The following MTMR3 variants were observed in gnomAD, a reference collection of about 807,000 sequenced individuals.
MTMR3 encodes the protein myotubularin related protein 3.
A neutral mutation model predicts 132.4 loss-of-function variants in MTMR3; 32 were observed. That is an observed-to-expected ratio of 0.24 (90% CI 0.18 to 0.32). MTMR3 has a LOEUF of 0.32. Among genes scored for constraint, MTMR3 ranks in the 10% least tolerant of loss-of-function variants. The probability of loss-of-function intolerance (pLI) is 1.00; values close to 1 mark genes in which losing one functional copy is unlikely to be tolerated. For missense variants in MTMR3, 1,216 were observed against 1,489.6 expected (o/e 0.82, Z 3.02); for synonymous variants, 556 against 550.3 (o/e 1.01, Z -0.14).
chr22:29,925,623 T>C (rs955599035), intron 1 of MTMR3, among the ~76,000 whole-genome samples: 63 of 151,604 alleles, frequency 4.2e-4, no homozygotes, highest in Non-Finnish European at 4.6e-4. Flanking sequence ...TCTTTTAAAG[T>C]ACACAACTAG....
At chr22:29,890,841 C>A (rs976894392) in intron 1 of MTMR3, among the ~76,000 whole-genome samples, 2 of 152,064 alleles carry the variant, frequency 1.3e-5, no homozygotes, top group African/African-American at 4.8e-5. Flanking sequence ...TGGTTGCTTA[C>A]CCCATCACTA....
chr22:29,986,177 A>G (rs2066853803), intron 5 of MTMR3: 1 of 152,202 alleles, frequency 6.6e-6, no homozygotes, highest in Non-Finnish European at 1.5e-5. Context: ...AGTTGTGACC[A>G]AGGTTCAGAA....
chr22:29,945,475 G>A (rs1230048775), intron 1 of MTMR3, among the ~76,000 whole-genome samples: 2 of 152,140 alleles, frequency 1.3e-5, no homozygotes, highest in East Asian at 3.9e-4. Flanking sequence ...GGCCAAGGTG[G>A]GAGGATAGCT....
In MTMR3 at chr22:29,952,410, GT is replaced by G. The variant is rs908422204; in HGVS notation, c.-137-4615del. On this transcript the variant is annotated intron_variant, in intron 1 of 19. Transcript: ENST00000401950. ...CACATAGCTTCTGGTGTGTGTGTGT[GT>G]TTTTTTTTTTAAAATCATGTTAGTT... is the stretch of plus-strand genomic sequence containing the variant. Among the ~76,000 whole-genome samples the G allele has an allele frequency of 2.9e-3, 265 of 91,956 alleles. 4 individuals are homozygous for G. The highest frequency in any genetic ancestry group is 0.018 in the African/African-American group (232 of 12,878). The allele number at this position is 91,956 out of a possible 152,430, so 60.3% of individuals were successfully genotyped here. A position where few individuals can be genotyped will look rare whatever the true frequency, so the allele number is the denominator to read the frequency against.
intron 1 of MTMR3, among the ~76,000 whole-genome samples, chr22:29,894,122 G>A (rs2064849160): frequency 6.6e-6 from 1 of 152,164 alleles, no homozygotes; most frequent in African/African-American, 2.4e-5. Context: ...TGGGATTACA[G>A]GTGTGAGCCA....
rs1023096659 is a variant in MTMR3, at chr22:29,942,665, A to G, written c.-137-14371A>G. 1.1e-4 allele frequency among the ~76,000 whole-genome samples: 16 copies of G among 152,198 alleles called. 1 individual carries two copies. The highest frequency in any genetic ancestry group is 2.2e-4 in the Non-Finnish European group (15 of 68,036). On this transcript the variant is annotated intron_variant, in intron 1 of 19. Transcript: ENST00000401950. ...CAGGGACGCATTCTCTTTCTCAGGG[A>G]TGTTCCTTGCTGAGAAAAAGAATTC...
intron 2 of MTMR3, among the ~76,000 whole-genome samples, chr22:29,960,622 C>A (rs1439946532): frequency 6.6e-6 from 1 of 152,162 alleles, no homozygotes; most frequent in African/African-American, 2.4e-5. Context: ...ATGCCAGTAA[C>A]TATTCTAAGC....
intron 2 of MTMR3, among the ~76,000 whole-genome samples, chr22:29,965,831 T>G (rs1279271415): frequency 6.6e-6 from 1 of 152,156 alleles, no homozygotes; most frequent in African/African-American, 2.4e-5. Flanking sequence ...ACATTTTAGT[T>G]GGGACATCCG....
chr22:29,890,940 G>C (rs895714564), intron 1 of MTMR3, among the ~76,000 whole-genome samples: 1 of 151,926 alleles, frequency 6.6e-6, no homozygotes, highest in Non-Finnish European at 1.5e-5. Context: ...TTGAGGCCAG[G>C]AGTTCAAGGC....
At chr22:29,964,224 C>T (rs1428568944) in intron 2 of MTMR3, among the ~76,000 whole-genome samples, 1 of 152,194 alleles carries the variant, frequency 6.6e-6, no homozygotes, top group African/African-American at 2.4e-5. Flanking sequence ...TCCTTTTGTA[C>T]TGTTGGTATA....
Position 29,919,941 on chromosome 22 carries a change from T to A in MTMR3, c.-138+36582T>A, listed in dbSNP as rs527758154. Among the ~76,000 whole-genome samples, 3 of 152,310 alleles carry A rather than the reference T, an allele frequency of 2.0e-5. No individual in the cohort carries two copies. The South Asian group carries it at 6.2e-4, about 32-fold the overall frequency. On this transcript the variant is annotated intron_variant, in intron 1 of 19. Coordinates refer to ENST00000401950, the MANE Select transcript of MTMR3 (RefSeq NM_021090.4). Reference sequence around the variant, plus strand: ...GGATACTGGCTGATGACTTACATGCTTTTATTATTAAGATTTAGGTTCCCA... The same window carrying A: ...GGATACTGGCTGATGACTTACATGCATTTATTATTAAGATTTAGGTTCCCA...
At chr22:29,927,481 G>T (rs980938488) in intron 1 of MTMR3, among the ~76,000 whole-genome samples, 1 of 152,184 alleles carries the variant, frequency 6.6e-6, no homozygotes, top group African/African-American at 2.4e-5. Context: ...GTGAACAAGA[G>T]ATGTTTCTGT....
At chr22:29,908,766 T>C (rs1187150954) in intron 1 of MTMR3, among the ~76,000 whole-genome samples, 2 of 152,226 alleles carry the variant, frequency 1.3e-5, no homozygotes, top group Non-Finnish European at 2.9e-5. Context: ...TGTAGAACTT[T>C]CTATTTCTCA....
At chr22:29,885,811 G>A (rs957092119) in intron 1 of MTMR3, among the ~76,000 whole-genome samples, 5 of 152,196 alleles carry the variant, frequency 3.3e-5, no homozygotes, top group African/African-American at 1.2e-4. Flanking sequence ...TAGTTAACAC[G>A]TTCACACCTT....
chr22:29,965,264 C>A (rs1407926959), intron 2 of MTMR3, among the ~76,000 whole-genome samples: 2 of 151,540 alleles, frequency 1.3e-5, no homozygotes, highest in East Asian at 3.8e-4. Context: ...TGACTGACTG[C>A]AGTGCAGAAA....
chr22:29,997,049 T>C (rs1326494434), intron 7 of MTMR3: 2 of 152,226 alleles, frequency 1.3e-5, no homozygotes, highest in African/African-American at 2.4e-5. Flanking sequence ...GTATTCTTGA[T>C]GGTCAATATT....
chr22:30,019,698 T>C lies in MTMR3; in HGVS notation c.2039T>C (p.Val680Ala), dbSNP rs147192969. ...GTGCCGGGGGGTGCCGAGCTTTCTGTTGCAGCCGGAGTAGCTGAGGGGCAG... is the reference window on the plus strand; with the variant it reads ...GTGCCGGGGGGTGCCGAGCTTTCTGCTGCAGCCGGAGTAGCTGAGGGGCAG... ...TRVPGGAELS[V>A]AAGVAEGQME... Residue 680 changes from valine to alanine, a missense_variant, in exon 17 of 20, where the codon GTT becomes GCT. This residue lies in a region of MTMR3 where 852 missense variants were observed against 852.0 expected (regional missense o/e 1.00). Coordinates refer to ENST00000401950, the MANE Select transcript of MTMR3 (RefSeq NM_021090.4). 69 of 1,613,930 alleles carry C rather than the reference T, an allele frequency of 4.3e-5. No individual in the cohort carries two copies. Among genetic ancestry groups the C allele is most frequent in the Non-Finnish European group, 5.7e-5 (67 of 1,180,016 alleles).
At chr22:29,930,063 A>G (rs991669763) in intron 1 of MTMR3, among the ~76,000 whole-genome samples, 4 of 152,162 alleles carry the variant, frequency 2.6e-5, no homozygotes, top group African/African-American at 9.7e-5. Context: ...AATTCCTTTC[A>G]TACTATTTGA....
intron 12 of MTMR3, 95 bp downstream of exon 12, chr22:30,009,224 T>C (rs2067348154): frequency 1.2e-6 from 1 of 862,374 alleles, no homozygotes; most frequent in Non-Finnish European, 1.9e-6. Context: ...AAAAAAAAAT[T>C]AATTTGGAGC....
Sources: gnomAD v4.1 joint callset for allele counts (sites outside exome capture counted in the v4.1 genomes callset) on GRCh38, gnomAD v4.1.1 for gene constraint, gnomAD v4.1.1 regional missense constraint, MANE v1.5 for transcripts, NCBI Gene and HGNC (gene_info 2026-07-23, HGNC 2026-07-21) for gene names.